CACNA1B: variants seen among roughly 807,000 people sequenced by gnomAD.
CACNA1B encodes the protein calcium voltage-gated channel subunit alpha1 B.
In CACNA1B, 70 loss-of-function variants were observed where a neutral mutation model predicts 247.2. The ratio of observed to expected loss-of-function variants is 0.28; its 90% CI spans 0.23 to 0.35. The LOEUF (loss-of-function observed/expected upper bound fraction) is 0.35. Among genes scored for constraint, CACNA1B ranks in the 10% least tolerant of loss-of-function variants. CACNA1B has a pLI of 1.00. For synonymous variants in CACNA1B, 1,231 were observed against 1,294.4 expected (o/e 0.95, Z 1.05); for missense variants, 2,367 against 3,197.4 (o/e 0.74, Z 6.26).
intron 36 of CACNA1B, 62 bp from the exon 37 acceptor site, chr9:138,096,422 G>A (rs1961057948): frequency 2.0e-6 from 3 of 1,477,062 alleles, no homozygotes; most frequent in South Asian, 1.2e-5. Flanking sequence ...GAGTGGTGGG[G>A]GGCGGCGGGG....
intron 18 of CACNA1B, among the ~76,000 whole-genome samples, chr9:138,021,960 T>C (rs1310602062): frequency 1.3e-5 from 2 of 152,158 alleles, no homozygotes; most frequent in Non-Finnish European, 2.9e-5. Context: ...ATGGTGGGGC[T>C]TAGTTTTGGG....
At chr9:137,896,799 C>A (rs991692659) in intron 3 of CACNA1B, among the ~76,000 whole-genome samples, 1 of 137,544 alleles carries the variant, frequency 7.3e-6, no homozygotes, top group Non-Finnish European at 1.5e-5. Flanking sequence ...ACTTTCCTTA[C>A]GAGTTATGTG....
chr9:137,987,843 G>A (rs1564223548), intron 15 of CACNA1B, among the ~76,000 whole-genome samples: 2 of 152,214 alleles, frequency 1.3e-5, no homozygotes, highest in African/African-American at 2.4e-5. Flanking sequence ...CCACCCTGCT[G>A]GGCTGGAGCC....
chr9:138,078,316 G>C lies in CACNA1B; in HGVS notation c.5094+58G>C, dbSNP rs1014325409. ...CACGTCTTGTCTCGGTACAGCTCAG[G>C]CTTCTCCCACATCTCCTGCTGATCC... is the stretch of plus-strand genomic sequence containing the variant. On this transcript the variant is annotated intron_variant, in intron 36 of 46. Coordinates refer to ENST00000371372, the MANE Select transcript of CACNA1B (RefSeq NM_000718.4). The C allele has an allele frequency of 3.2e-6, 5 of 1,547,852 alleles. No homozygotes were observed. The African/African-American group carries it at 5.4e-5, about 17-fold the overall frequency.
In CACNA1B at chr9:137,967,385, C is replaced by T. The variant is rs531174443; in HGVS notation, c.1334-3998C>T. ...TCACTTTTCATTCTTGACTGTCGCC[C>T]GTCCCTTCAGACTGCCCCCACAGGC... is the stretch of plus-strand genomic sequence containing the variant. On this transcript the variant is annotated intron_variant, in intron 10 of 46. Coordinates refer to ENST00000371372, the MANE Select transcript of CACNA1B (RefSeq NM_000718.4). Among the ~76,000 whole-genome samples the T allele has an allele frequency of 9.2e-5, 14 of 152,286 alleles. No homozygotes were observed. The East Asian group carries it at 2.7e-3, about 29-fold the overall frequency.
intron 15 of CACNA1B, among the ~76,000 whole-genome samples, chr9:138,000,252 CTA>C (rs1958553978): frequency 6.6e-5 from 10 of 152,164 alleles, no homozygotes; most frequent in South Asian, 2.1e-4. Context: ...GCGCCCGCCA[CTA>C]CGCCCGGCTA....
At chr9:137,939,674 G>T (rs1485209349) in intron 6 of CACNA1B, among the ~76,000 whole-genome samples, 2 of 151,738 alleles carry the variant, frequency 1.3e-5, no homozygotes, top group Non-Finnish European at 2.9e-5. Context: ...ATGGTGGCAG[G>T]CACCTGTAGT....
At chr9:137,912,008 T>C (rs943691292) in intron 3 of CACNA1B, among the ~76,000 whole-genome samples, 1 of 152,248 alleles carries the variant, frequency 6.6e-6, no homozygotes, top group African/African-American at 2.4e-5. Context: ...TTAGTCACTG[T>C]GATGTAACAA....
chr9:138,030,832 A>G (rs956676089), intron 20 of CACNA1B, among the ~76,000 whole-genome samples: 3 of 152,124 alleles, frequency 2.0e-5, no homozygotes, highest in Non-Finnish European at 2.9e-5. Context: ...TTAAGTGTAT[A>G]CAGTTGTTTG....
rs200481765 is a variant in CACNA1B, at chr9:137,957,566, A to C, written c.1244-32A>C. 8.2e-5 allele frequency: 124 copies of C among 1,519,116 alleles called. No homozygotes were observed. Among genetic ancestry groups the C allele is most frequent in the Non-Finnish European group, 7.2e-5 (81 of 1,125,292 alleles). The allele number at this position is 1,519,116 out of a possible 1,614,324, so 94.1% of individuals were successfully genotyped here. ...GCAGGTGGCCTGAGGGCTGCAGCTC[A>C]GGCAGTCTCTCCCATCCTTTGTTTA... On this transcript the variant is annotated intron_variant, in intron 9 of 46. Transcript: ENST00000371372. The surrounding 1 kb of genome is among the most constrained non-coding windows in gnomAD (Gnocchi z 4.7).
In CACNA1B at chr9:137,878,048, C is replaced by G; in HGVS notation, c.115C>G (p.Pro39Ala). 1 of 1,298,788 alleles carries G rather than the reference C, an allele frequency of 7.7e-7. No homozygotes were observed. Among genetic ancestry groups the G allele is most frequent in the Admixed American group, 3.4e-5 (1 of 29,272 alleles). 80.5% of individuals were successfully genotyped at this position (1,298,788 alleles called of 1,614,324 possible). ...AGGPGPGGLQ[P>A]GQRVLYKQSI... The stretch of plus-strand genomic sequence containing the variant: ...GGGCCCGGGTCCCGGGGGGCTGCAG[C>G]CCGGCCAGCGGGTCCTCTACAAGCA... The change falls in exon 1 of 47, where the codon CCC becomes GCC. Residue 39 changes from proline (P) to alanine (A), a missense_variant. Physicochemically the swap from Pro to Ala is conservative, Grantham distance 27. Coordinates refer to ENST00000371372, the MANE Select transcript of CACNA1B (RefSeq NM_000718.4).
Position 138,118,749 on chromosome 9 carries a change from G to C in CACNA1B, c.6011G>C (p.Arg2004Pro), listed in dbSNP as rs200816756. The C allele has an allele frequency of 6.6e-7, 1 of 1,522,524 alleles. No individual in the cohort carries two copies. The highest frequency in any genetic ancestry group is 8.9e-7 in the Non-Finnish European group (1 of 1,126,294). 94.3% of individuals were successfully genotyped at this position (1,522,524 alleles called of 1,614,324 possible). A position where few individuals can be genotyped will look rare whatever the true frequency, so the allele number is the denominator to read the frequency against. Residue 2004 changes from arginine to proline, a missense_variant, in exon 44 of 47, where the codon CGC becomes CCC. This residue lies in a region of CACNA1B where 773 missense variants were observed against 779.4 expected (regional missense o/e 0.99). Coordinates refer to ENST00000371372, the MANE Select transcript of CACNA1B (RefSeq NM_000718.4). ...ESQGRAASMP[R>P]LAAETQPVTD... Reference sequence around the variant, plus strand: ...CAGGGTCGAGCGGCCTCCATGCCCCGCCTTGCGGCCGAGACTCAGGTAGGT... The same window carrying C: ...CAGGGTCGAGCGGCCTCCATGCCCCCCCTTGCGGCCGAGACTCAGGTAGGT...
intron 6 of CACNA1B, among the ~76,000 whole-genome samples, chr9:137,921,846 A>G (rs1288814539): frequency 6.8e-6 from 1 of 146,820 alleles, no homozygotes; most frequent in Non-Finnish European, 1.5e-5. Context: ...TCCTGGGAGC[A>G]GAGTAAAGTG....
chr9:137,915,737 A>G (rs1329826532), intron 5 of CACNA1B, among the ~76,000 whole-genome samples: 1 of 152,042 alleles, frequency 6.6e-6, no homozygotes, highest in African/African-American at 2.4e-5. Context: ...CTTTCCCTTT[A>G]CAGTCAAGAA....
intron 44 of CACNA1B, 72 bp downstream of exon 44, chr9:138,118,840 G>C: frequency 1.4e-6 from 1 of 706,248 alleles, no homozygotes; most frequent in South Asian, 1.6e-5. Flanking sequence ...TGTGGCTCTG[G>C]GCCTCCTGCA....
chr9:138,108,617 T>A (rs139413209), intron 39 of CACNA1B, among the ~76,000 whole-genome samples: 1 of 152,206 alleles, frequency 6.6e-6, no homozygotes, highest in Non-Finnish European at 1.5e-5. Flanking sequence ...ACATAGATTT[T>A]TTTAAATCTT....
intron 15 of CACNA1B, among the ~76,000 whole-genome samples, chr9:137,995,826 G>GA (rs1188820698): frequency 2.0e-5 from 3 of 151,912 alleles, no homozygotes; most frequent in East Asian, 1.9e-4. Flanking sequence ...AAATCAGCAA[G>GA]AAAAAAACAA....
chr9:138,047,990 T>C (rs1195093332), intron 23 of CACNA1B, among the ~76,000 whole-genome samples: 1 of 152,244 alleles, frequency 6.6e-6, no homozygotes, highest in Non-Finnish European at 1.5e-5. Flanking sequence ...TGTGTGTTTA[T>C]GCAGGTGTGC....
At chr9:138,008,081 T>C (rs1034457463) in intron 16 of CACNA1B, among the ~76,000 whole-genome samples, 1 of 152,048 alleles carries the variant, frequency 6.6e-6, no homozygotes, top group East Asian at 1.9e-4. Context: ...CCTGGGAAGT[T>C]GAGTGTGTGT....
Sources: gnomAD v4.1 joint callset for allele counts (sites outside exome capture counted in the v4.1 genomes callset) on GRCh38, gnomAD v4.1.1 for gene constraint, gnomAD v4.1.1 regional missense constraint, Gnocchi (gnomAD v3.1) non-coding constraint, MANE v1.5 for transcripts, NCBI Gene and HGNC (gene_info 2026-07-23, HGNC 2026-07-21) for gene names.